The following LYN variants were observed in gnomAD, a reference collection of about 807,000 sequenced individuals.
The protein encoded by LYN is tyrosine-protein kinase Lyn.
A neutral mutation model predicts 65.0 loss-of-function variants in LYN; 12 were observed. The ratio of observed to expected loss-of-function variants is 0.18; its 90% CI spans 0.12 to 0.30. The LOEUF (loss-of-function observed/expected upper bound fraction) is 0.30, where lower values mean the gene tolerates loss of function less well. Ranked by LOEUF, LYN falls within the 10% of genes least tolerant of loss-of-function variation. LYN has a pLI of 1.00. For missense variants in LYN, 380 were observed against 623.2 expected, an observed-to-expected ratio of 0.61 and a Z score of 4.16; for synonymous variants, 222 against 221.2, an observed-to-expected ratio of 1.00 and a Z score of -0.03.
At chr8:56,003,360 C>T (rs1808584874) in intron 12 of LYN, among the ~76,000 whole-genome samples, 1 of 152,100 alleles carries the variant, frequency 6.6e-6, no homozygotes, top group Non-Finnish European at 1.5e-5. Context: ...CTCACTCGAC[C>T]TGTGTTGTTC....
intron 10 of LYN, among the ~76,000 whole-genome samples, chr8:55,991,065 G>A (rs534346601): frequency 3.9e-5 from 6 of 152,232 alleles, no homozygotes; most frequent in African/African-American, 1.4e-4. Context: ...GTACTACCAC[G>A]TCAACTTAAG....
In LYN at chr8:55,944,858, A is replaced by G. The variant is rs78678428; in HGVS notation, c.133-1590A>G. On this transcript the variant is annotated intron_variant, in intron 2 of 12. Transcript: ENST00000519728. ...AGGAGAATAGTGTGCAAACCCACAC[A>G]CCGCTTTTTCCTCTTGTTCAAAATA... Among the ~76,000 whole-genome samples, 309 of 152,348 alleles carry G rather than the reference A, an allele frequency of 2.0e-3. 2 individuals carry two copies. The East Asian group carries it at 0.027, about 13-fold the overall frequency.
chr8:55,947,680 G>A lies in LYN; in HGVS notation c.241G>A (p.Asp81Asn). 1 of 1,613,994 alleles carries A rather than the reference G, an allele frequency of 6.2e-7. No homozygotes were observed. Among genetic ancestry groups the A allele is most frequent in the Non-Finnish European group, 8.5e-7 (1 of 1,179,900 alleles). ...CCCCTATGATGGCATCCACCCGGAC[G>A]ACTTGTCTTTCAAGAAAGGAGAGAA... ...LYPYDGIHPD[D>N]LSFKKGEKMK... The change falls in exon 4 of 13, where the codon GAC becomes AAC. Residue 81 changes from aspartate to asparagine, a missense_variant. Physicochemically the swap from Asp to Asn is conservative, Grantham distance 23. Around this residue, in one of 2 missense-constraint regions of LYN, gnomAD observed 157 missense variants for 193.2 expected, o/e 0.81. Coordinates refer to ENST00000519728, the MANE Select transcript of LYN (RefSeq NM_002350.4).
intron 1 of LYN, among the ~76,000 whole-genome samples, chr8:55,929,258 T>A (rs947502462): frequency 6.6e-6 from 1 of 152,252 alleles, no homozygotes; most frequent in Non-Finnish European, 1.5e-5. Flanking sequence ...AATAGATCCT[T>A]CTTACTGTTT....
intron 1 of LYN, among the ~76,000 whole-genome samples, chr8:55,906,886 A>C (rs1805443488): frequency 6.6e-6 from 1 of 152,148 alleles, no homozygotes; most frequent in Non-Finnish European, 1.5e-5. Context: ...CCTATTGAGA[A>C]TGATTTTTCC....
chr8:55,884,984 A>T (rs570069608), intron 1 of LYN, among the ~76,000 whole-genome samples: 2 of 152,260 alleles, frequency 1.3e-5, no homozygotes, highest in Admixed American at 6.5e-5. Context: ...CTTGGTATAG[A>T]ACTCTTCCAT....
intron 1 of LYN, among the ~76,000 whole-genome samples, chr8:55,941,167 A>G (rs759282657): frequency 8.5e-5 from 13 of 152,082 alleles, no homozygotes; most frequent in Non-Finnish European, 1.9e-4. Context: ...TTGAAGTCTC[A>G]AGGCCCCCCA....
chr8:56,002,533 T>C (rs977267640), intron 12 of LYN, among the ~76,000 whole-genome samples: 12 of 150,466 alleles, frequency 8.0e-5, no homozygotes, highest in African/African-American at 2.4e-4. Flanking sequence ...ACCCAGGAGG[T>C]AGAGGTTGCA....
At chr8:56,005,121 G>A (rs1043878192) in intron 12 of LYN, among the ~76,000 whole-genome samples, 4 of 152,130 alleles carry the variant, frequency 2.6e-5, no homozygotes, top group African/African-American at 9.7e-5. Flanking sequence ...ACAAAGAGGT[G>A]TAAGCTGAAA....
At chr8:55,989,443 T>A (rs894332503) in intron 10 of LYN, among the ~76,000 whole-genome samples, 7 of 152,202 alleles carry the variant, frequency 4.6e-5, no homozygotes, top group African/African-American at 1.4e-4. Context: ...TCTCAGTGGG[T>A]GTGTTTGATG....
chr8:55,953,727 C>T (rs113803306), intron 7 of LYN, 105 bp from the exon 8 acceptor site: 31 of 910,284 alleles, frequency 3.4e-5, no homozygotes, highest in East Asian at 1.8e-4. Flanking sequence ...TCACAGACTG[C>T]GGCAGGTTGG....
intron 2 of LYN, among the ~76,000 whole-genome samples, 196 bp from the exon 3 acceptor site, chr8:55,946,252 A>G (rs966854279): frequency 6.6e-6 from 1 of 152,210 alleles, no homozygotes. Context: ...ACAGCAAGTG[A>G]TAAAGAGCCC....
chr8:56,002,604 AAAATT>A (rs56143558), intron 12 of LYN, among the ~76,000 whole-genome samples: 1,659 of 145,128 alleles, frequency 0.011, 24 homozygotes, highest in African/African-American at 0.034. Context: ...CTCCATCTCA[AAAATT>A]AAATTAAATT....
chr8:55,881,204 C>T (rs1804645050), intron 1 of LYN, among the ~76,000 whole-genome samples: 2 of 152,192 alleles, frequency 1.3e-5, no homozygotes, highest in South Asian at 2.1e-4. Flanking sequence ...TGGTTCTTTG[C>T]AGCTTGGTGA....
intron 1 of LYN, among the ~76,000 whole-genome samples, chr8:55,910,689 A>C (rs1210734870): frequency 6.6e-6 from 1 of 152,160 alleles, no homozygotes; most frequent in Non-Finnish European, 1.5e-5. Context: ...AGATATATTC[A>C]GGTTTCACTT....
At chr8:55,996,989 C>T (rs571909715) in intron 10 of LYN, among the ~76,000 whole-genome samples, 23 of 151,932 alleles carry the variant, frequency 1.5e-4, no homozygotes, top group African/African-American at 5.1e-4. Flanking sequence ...GGTGAAACCC[C>T]GTCTGTACTA....
intron 10 of LYN, among the ~76,000 whole-genome samples, chr8:55,976,796 C>T (rs1807768036): frequency 6.6e-6 from 1 of 152,054 alleles, no homozygotes; most frequent in Non-Finnish European, 1.5e-5. Context: ...GTTGTAGGAA[C>T]CTCGTGCATA....
rs139150526 is a variant in LYN at position 55,936,488 on chromosome 8, A to G, written c.-5-5367A>G. Among the ~76,000 whole-genome samples, 800 of 152,174 alleles carry G rather than the reference A, an allele frequency of 5.3e-3. 5 individuals carry two copies. Among genetic ancestry groups the G allele is most frequent in the African/African-American group, 0.018 (736 of 41,528 alleles). ...AACCCTGTCTCTACTAAAAACACAA[A>G]AGTTAGCCAGGTGTGGTGGTGGGCA... is the stretch of plus-strand genomic sequence containing the variant. On this transcript the variant is annotated intron_variant, in intron 1 of 12. Coordinates refer to ENST00000519728, the MANE Select transcript of LYN (RefSeq NM_002350.4).
chr8:55,946,936 G>A (rs914268876), intron 3 of LYN, among the ~76,000 whole-genome samples: 16 of 152,156 alleles, frequency 1.1e-4, no homozygotes, highest in African/African-American at 3.6e-4. Flanking sequence ...TTCTAATAGT[G>A]AATAATATTT....
Sources: allele counts gnomAD v4.1 joint callset (sites outside exome capture counted in the v4.1 genomes callset), GRCh38; gene constraint gnomAD v4.1.1; regional missense constraint gnomAD v4.1.1; transcripts MANE v1.5; gene names NCBI Gene and HGNC (gene_info 2026-07-23, HGNC 2026-07-21).